The following DOCK7 variants were observed in gnomAD, a reference collection of about 807,000 sequenced individuals.
The protein encoded by DOCK7 is dedicator of cytokinesis 7, also known as dedicator of cytokinesis protein 7.
In DOCK7, 138 loss-of-function variants were observed where a neutral mutation model predicts 271.0. That is an observed-to-expected ratio of 0.51 (90% CI 0.44 to 0.59). The LOEUF is 0.59. DOCK7 is among the 20% of genes least tolerant of loss of function. The pLI, the probability that DOCK7 is intolerant of heterozygous loss-of-function variation, is 0.00. For synonymous variants in DOCK7, 823 were observed against 876.1 expected (o/e 0.94, Z 1.07); for missense variants, 2,066 against 2,592.4 (o/e 0.80, Z 4.41).
At chr1:62,469,323 G>A (rs1203869231) in intron 48 of DOCK7, among the ~76,000 whole-genome samples, 2 of 152,146 alleles carry the variant, frequency 1.3e-5, no homozygotes, top group East Asian at 3.9e-4. Flanking sequence ...AGTGAGGAAA[G>A]GACACCCTAT....
intron 14 of DOCK7, chr1:62,601,132 G>A: frequency 6.2e-7 from 1 of 1,610,800 alleles, no homozygotes; most frequent in Non-Finnish European, 8.5e-7. Flanking sequence ...TATCTTCCAA[G>A]CCAAGAGCAC....
intron 6 of DOCK7, 82 bp downstream of exon 6, chr1:62,648,024 T>A: frequency 7.5e-7 from 1 of 1,335,300 alleles, no homozygotes; most frequent in Non-Finnish European, 1.1e-6. Context: ...ATCCTCTACA[T>A]TTTGTAATAC....
intron 35 of DOCK7, among the ~76,000 whole-genome samples, chr1:62,506,183 T>G (rs1418114336): frequency 2.0e-5 from 3 of 152,112 alleles, no homozygotes; most frequent in African/African-American, 2.4e-5. Flanking sequence ...GCAAAAAATG[T>G]TGGTGGTACA....
Position 62,542,626 on chromosome 1 carries a change from C to A in DOCK7, c.3027G>T (p.Trp1009Cys). The change falls in exon 25 of 50, where the codon TGG (tryptophan) becomes TGT (cysteine). Residue 1009 changes from tryptophan to cysteine, a missense_variant. By Grantham distance (215) the Trp-to-Cys change is radical (BLOSUM62 -2). Coordinates refer to ENST00000635253, the MANE Select transcript of DOCK7 (RefSeq NM_001367561.1). Reference protein sequence around the residue: ...SVRESALQQAWFFFELMVKSM... With the variant: ...SVRESALQQACFFFELMVKSM... ...TGCTCACCATTAATTCAAAAAAGAA[C>A]CAGGCTTGTTGCAAAGCTGATTCCC... The A allele has an allele frequency of 1.2e-6, 2 of 1,612,008 alleles. No individual in the cohort carries two copies. Among genetic ancestry groups the A allele is most frequent in the South Asian group, 1.1e-5 (1 of 90,664 alleles).
At chr1:62,683,733 G>A (rs928792582) in intron 1 of DOCK7, among the ~76,000 whole-genome samples, 5 of 152,010 alleles carry the variant, frequency 3.3e-5, no homozygotes, top group Non-Finnish European at 5.9e-5. Flanking sequence ...CCCGGAGTTC[G>A]AGACCAGCCT....
At chr1:62,656,768 A>AGG (rs1658064351) in intron 2 of DOCK7, among the ~76,000 whole-genome samples, 1 of 146,504 alleles carries the variant, frequency 6.8e-6, no homozygotes, top group African/African-American at 2.5e-5. Context: ...CCCACAACCC[A>AGG]GAATACACCA....
At chr1:62,653,250 T>C (rs1168938231) in intron 4 of DOCK7, among the ~76,000 whole-genome samples, 2 of 152,172 alleles carry the variant, frequency 1.3e-5, no homozygotes, top group Non-Finnish European at 2.9e-5. Flanking sequence ...CAAAACATTA[T>C]TTTTTACAAA....
intron 1 of DOCK7, among the ~76,000 whole-genome samples, chr1:62,663,781 T>C (rs1324301980): frequency 2.6e-5 from 4 of 152,244 alleles, no homozygotes; most frequent in African/African-American, 4.8e-5. Flanking sequence ...ACTACACAAC[T>C]GGAAATGTTT....
intron 31 of DOCK7, among the ~76,000 whole-genome samples, chr1:62,515,208 A>T (rs909664899): frequency 1.3e-5 from 2 of 151,962 alleles, no homozygotes; most frequent in Non-Finnish European, 1.5e-5. Flanking sequence ...TTCAACACAG[A>T]AAGTGTGGCT....
At chr1:62,636,515 T>C (rs957554263) in intron 8 of DOCK7, 22 bp downstream of exon 8, 4 of 1,554,900 alleles carry the variant, frequency 2.6e-6, no homozygotes, top group African/African-American at 1.4e-5. Context: ...CAAATAACTA[T>C]GGTCAAATTA....
intron 2 of DOCK7, among the ~76,000 whole-genome samples, chr1:62,655,280 T>C (rs567912851): frequency 2.0e-5 from 3 of 152,166 alleles, no homozygotes; most frequent in East Asian, 1.9e-4. Flanking sequence ...CATGCAGTTA[T>C]AGACCAATGA....
intron 30 of DOCK7, among the ~76,000 whole-genome samples, chr1:62,528,672 A>G (rs1205835054): frequency 6.6e-6 from 1 of 152,228 alleles, no homozygotes; most frequent in East Asian, 1.9e-4. Flanking sequence ...TACACATTAG[A>G]TACTCAGGAA....
intron 18 of DOCK7, among the ~76,000 whole-genome samples, chr1:62,562,880 C>T (rs1049431463): frequency 1.3e-5 from 2 of 152,202 alleles, no homozygotes; most frequent in African/African-American, 4.8e-5. Context: ...TACAAGGGAA[C>T]AAATCCTGGC....
intron 48 of DOCK7, among the ~76,000 whole-genome samples, chr1:62,462,472 A>C (rs531584568): frequency 1.3e-5 from 2 of 152,356 alleles, no homozygotes; most frequent in Admixed American, 1.3e-4. Context: ...TAAAGATCCC[A>C]AAAACATAGG....
intron 42 of DOCK7, 179 bp downstream of exon 42, chr1:62,488,755 A>G: frequency 1.3e-6 from 1 of 781,000 alleles, no homozygotes; most frequent in East Asian, 2.8e-5. Context: ...CTTTAGGTGA[A>G]TTCATTTTTA....
chr1:62,583,280 A>G (rs1454585824), intron 15 of DOCK7, 26 bp from the exon 16 acceptor site: 3 of 1,580,098 alleles, frequency 1.9e-6, no homozygotes, highest in Non-Finnish European at 2.6e-6. Flanking sequence ...GCATGTTGAA[A>G]CTTTGTTGTA....
chr1:62,516,557 C>T (rs1046607269), intron 31 of DOCK7, among the ~76,000 whole-genome samples: 2 of 152,218 alleles, frequency 1.3e-5, no homozygotes, highest in East Asian at 3.9e-4. Context: ...ACATTATTAC[C>T]AGGAATGAGG....
chr1:62,608,349 G>A (rs1007816652), intron 14 of DOCK7: 6 of 151,966 alleles, frequency 3.9e-5, no homozygotes, highest in African/African-American at 1.5e-4. Context: ...TCATCAAAAC[G>A]ATCTACTTTT....
intron 16 of DOCK7, among the ~76,000 whole-genome samples, chr1:62,579,768 A>G (rs1647057552): frequency 6.6e-6 from 1 of 151,678 alleles, no homozygotes; most frequent in Admixed American, 6.6e-5. Context: ...TCACTGTTGA[A>G]GAAATAAAAA....
Sources: allele counts gnomAD v4.1 joint callset (sites outside exome capture counted in the v4.1 genomes callset), GRCh38; gene constraint gnomAD v4.1.1; transcripts MANE v1.5; gene names NCBI Gene and HGNC (gene_info 2026-07-23, HGNC 2026-07-21).